Variants in PRKG1 observed in about 807,000 individuals in gnomAD.
PRKG1 encodes the protein protein kinase cGMP-dependent 1, also known as cGMP-dependent protein kinase 1.
Under a neutral mutation model 88.1 loss-of-function variants are expected in PRKG1, and 35 were observed. That is an observed-to-expected ratio of 0.40 (90% CI 0.30 to 0.53). The LOEUF (loss-of-function observed/expected upper bound fraction) is 0.53, where lower values mean the gene tolerates loss of function less well. Among genes scored for constraint, PRKG1 ranks in the 20% least tolerant of loss-of-function variants. The pLI is 0.59. For synonymous variants in PRKG1, 303 were observed against 292.5 expected (o/e 1.04, Z -0.37); for missense variants, 540 against 839.8 (o/e 0.64, Z 4.41).
intron 7 of PRKG1, among the ~76,000 whole-genome samples, chr10:52,124,842 C>T (rs759314583): frequency 5.3e-5 from 8 of 151,960 alleles, no homozygotes; most frequent in Non-Finnish European, 1.2e-4. Flanking sequence ...AAGACACAAA[C>T]ATTCACAGTA....
chr10:51,539,758 A>G (rs1304800689), intron 3 of PRKG1, among the ~76,000 whole-genome samples: 2 of 152,166 alleles, frequency 1.3e-5, no homozygotes, highest in Non-Finnish European at 2.9e-5. Context: ...AGAAGGATGA[A>G]ATGAATTTTT....
At chr10:52,006,439 A>G (rs1844738203) in intron 5 of PRKG1, among the ~76,000 whole-genome samples, 1 of 152,220 alleles carries the variant, frequency 6.6e-6, no homozygotes, top group African/African-American at 2.4e-5. Context: ...AGAAAGAACC[A>G]AACTAATCTG....
At chr10:51,552,957 C>G (rs1376038593) in intron 3 of PRKG1, among the ~76,000 whole-genome samples, 1 of 151,436 alleles carries the variant, frequency 6.6e-6, no homozygotes, top group African/African-American at 2.4e-5. Flanking sequence ...AGGAAGATTG[C>G]ATAACTAAAA....
chr10:51,074,334 G>T, upstream of PRKG1: 1 of 766,572 alleles, frequency 1.3e-6, no homozygotes, highest in East Asian at 3.6e-5. Context: ...GTTTAATCCC[G>T]GGTTGGACCT....
intron 5 of PRKG1, among the ~76,000 whole-genome samples, chr10:51,983,243 A>T (rs1202732709): frequency 1.3e-5 from 2 of 152,060 alleles, no homozygotes; most frequent in Non-Finnish European, 2.9e-5. Flanking sequence ...ATGGGGACAG[A>T]GTGAGGTGCT....
chr10:51,028,825 T>TA (rs1712586233), intron 1 of PRKG1, among the ~76,000 whole-genome samples: 1 of 152,214 alleles, frequency 6.6e-6, no homozygotes, highest in Non-Finnish European at 1.5e-5. Context: ...CATCATTAGA[T>TA]GTTTGTTCAT....
intron 2 of PRKG1, among the ~76,000 whole-genome samples, chr10:51,310,298 T>C (rs776339933): frequency 4.6e-5 from 7 of 152,240 alleles, no homozygotes; most frequent in Non-Finnish European, 1.0e-4. Flanking sequence ...CCTGCTCCAA[T>C]ATCTTCATGT....
chr10:51,651,094 G>C (rs2132313339), intron 3 of PRKG1, among the ~76,000 whole-genome samples: 1 of 152,260 alleles, frequency 6.6e-6, no homozygotes, highest in Middle Eastern at 3.4e-3. Context: ...CAATGCACAA[G>C]ACGGCCCTTG....
intron 5 of PRKG1, among the ~76,000 whole-genome samples, chr10:51,998,937 G>C (rs976531737): frequency 1.3e-5 from 2 of 152,138 alleles, no homozygotes; most frequent in South Asian, 4.1e-4. Context: ...ATAAGCAAAA[G>C]CCTAAGGGTG....
At chr10:51,104,034 G>T (rs140616633) in intron 1 of PRKG1, among the ~76,000 whole-genome samples, 27 of 152,250 alleles carry the variant, frequency 1.8e-4, no homozygotes, top group African/African-American at 6.3e-4. Flanking sequence ...TCATAGAACT[G>T]GGAGGAAGAC....
At chr10:51,509,681 C>T (rs889975809) in intron 3 of PRKG1, among the ~76,000 whole-genome samples, 1 of 152,116 alleles carries the variant, frequency 6.6e-6, no homozygotes, top group Non-Finnish European at 1.5e-5. Context: ...GTAATATCTT[C>T]TGAATACCTA....
intron 2 of PRKG1, among the ~76,000 whole-genome samples, chr10:51,297,485 C>T (rs1170454986): frequency 6.6e-6 from 1 of 151,942 alleles, no homozygotes; most frequent in African/African-American, 2.4e-5. Context: ...TTTATACTTA[C>T]CTTAAATTAG....
intron 3 of PRKG1, among the ~76,000 whole-genome samples, chr10:51,633,175 C>A (rs1340645239): frequency 1.3e-5 from 2 of 151,880 alleles, no homozygotes; most frequent in Non-Finnish European, 2.9e-5. Context: ...TTCTCAGTGG[C>A]CTGAGTAAAG....
At chr10:51,464,053 C>T (rs930597926) in intron 2 of PRKG1, among the ~76,000 whole-genome samples, 1 of 151,864 alleles carries the variant, frequency 6.6e-6, no homozygotes. Context: ...GGGCGGATCA[C>T]GAGATCAGGA....
At chr10:52,121,537 C>A (rs1315933816) in intron 7 of PRKG1, among the ~76,000 whole-genome samples, 1 of 152,204 alleles carries the variant, frequency 6.6e-6, no homozygotes, top group African/African-American at 2.4e-5. Context: ...CATGTAGCAT[C>A]TGGAATCCTT....
intron 3 of PRKG1, among the ~76,000 whole-genome samples, chr10:51,798,185 T>C (rs1161161429): frequency 6.6e-6 from 1 of 152,088 alleles, no homozygotes; most frequent in Non-Finnish European, 1.5e-5. Flanking sequence ...TTCTGAATCA[T>C]ATACTGATCC....
chr10:51,330,358 C>T, intron 2 of PRKG1, among the ~76,000 whole-genome samples: 1 of 151,916 alleles, frequency 6.6e-6, no homozygotes, highest in Non-Finnish European at 1.5e-5. Context: ...ACCATGTTGG[C>T]CAGGCTGGTC....
At chr10:51,505,360 G>A (rs1470158205) in intron 3 of PRKG1, among the ~76,000 whole-genome samples, 3 of 152,144 alleles carry the variant, frequency 2.0e-5, no homozygotes, top group Non-Finnish European at 2.9e-5. Context: ...ATGTGCTGCT[G>A]GATTTGGTTT....
chr10:51,490,671 C>A (rs184344066), intron 3 of PRKG1, among the ~76,000 whole-genome samples: 3 of 151,974 alleles, frequency 2.0e-5, no homozygotes, highest in African/African-American at 7.2e-5. Context: ...AAATACTGTC[C>A]GTTTTTCATA....
Sources: gnomAD v4.1 joint callset for allele counts (sites outside exome capture counted in the v4.1 genomes callset) on GRCh38, gnomAD v4.1.1 for gene constraint, MANE v1.5 for transcripts, NCBI Gene and HGNC (gene_info 2026-07-23, HGNC 2026-07-21) for gene names.